The following SMCO4 variants were observed in gnomAD, a reference collection of about 807,000 sequenced individuals.
The protein encoded by SMCO4 is single-pass membrane and coiled-coil domain-containing protein 4.
A neutral mutation model predicts 3.6 loss-of-function variants in SMCO4; 4 were observed. The ratio of observed to expected loss-of-function variants is 1.11; its 90% CI spans 0.54 to 2.53. SMCO4 has a LOEUF of 2.53. SMCO4 is among the 30% of genes most tolerant of loss of function. The pLI, the probability that SMCO4 is intolerant of heterozygous loss-of-function variation, is 0.02. For missense variants in SMCO4, 70 were observed against 80.8 expected (o/e 0.87, Z 0.51); for synonymous variants, 36 against 35.3 (o/e 1.02, Z -0.07).
intron 2 of SMCO4, among the ~76,000 whole-genome samples, chr11:93,486,444 G>A (rs1480467645): frequency 6.6e-6 from 1 of 152,192 alleles, no homozygotes; most frequent in Non-Finnish European, 1.5e-5. Context: ...AGGAACACAA[G>A]CCTTCTTGGT....
chr11:93,553,244 T>A, the SMCO4 span, among the ~76,000 whole-genome samples: 1 of 152,220 alleles, frequency 6.6e-6, no homozygotes, highest in Non-Finnish European at 1.5e-5. Context: ...GTGTCAGGGT[T>A]CAACAGATAA....
chr11:93,495,728 A>T (rs1414838834), intron 2 of SMCO4, among the ~76,000 whole-genome samples: 1 of 152,102 alleles, frequency 6.6e-6, no homozygotes, highest in Non-Finnish European at 1.5e-5. Context: ...TCAGCTGATT[A>T]CTTATTGGCT....
intron 1 of SMCO4, among the ~76,000 whole-genome samples, chr11:93,518,276 T>C (rs1478452911): frequency 2.0e-5 from 3 of 152,240 alleles, no homozygotes; most frequent in Admixed American, 6.5e-5. Flanking sequence ...CATACATCTG[T>C]ACATCATTCC....
rs75563115 is a variant in SMCO4 at position 93,527,001 on chromosome 11, T to C, written c.-154+16275A>G. Among the ~76,000 whole-genome samples the C allele has an allele frequency of 1.8e-3, 271 of 152,120 alleles. 1 individual carries two copies. Among genetic ancestry groups the C allele is most frequent in the African/African-American group, 6.3e-3 (262 of 41,470 alleles). On this transcript the variant is annotated intron_variant, in intron 1 of 2. Transcript: ENST00000298966. Reference sequence around the variant, plus strand: ...GAGACAGAATTCCGACACACAACCCTCTCAGTACAGCAGCCCACTCTTCAA... The same window carrying C: ...GAGACAGAATTCCGACACACAACCCCCTCAGTACAGCAGCCCACTCTTCAA...
chr11:93,506,022 T>C (rs1028601865), intron 1 of SMCO4, among the ~76,000 whole-genome samples: 14 of 151,924 alleles, frequency 9.2e-5, no homozygotes, highest in Admixed American at 8.5e-4. Flanking sequence ...TTGCACACGA[T>C]TATAACCAGA....
chr11:93,502,317 C>A (rs1445562251), intron 1 of SMCO4, among the ~76,000 whole-genome samples: 1 of 152,086 alleles, frequency 6.6e-6, no homozygotes, highest in African/African-American at 2.4e-5. Context: ...ACCTTTCCCC[C>A]AACAGCCCTC....
chr11:93,535,559 A>C (rs1458894853), intron 1 of SMCO4: 2 of 1,475,776 alleles, frequency 1.4e-6, no homozygotes, highest in Non-Finnish European at 1.9e-6. Flanking sequence ...ATCACCTTGA[A>C]GAAGTATGAC....
At chr11:93,518,153 T>C (rs1949025414) in intron 1 of SMCO4, among the ~76,000 whole-genome samples, 1 of 152,230 alleles carries the variant, frequency 6.6e-6, no homozygotes, top group Non-Finnish European at 1.5e-5. Flanking sequence ...TTTCTCTATC[T>C]ATGGATTTAC....
chr11:93,478,713 GCACACACACACA>G lies in SMCO4; in HGVS notation c.*285_*296del, dbSNP rs58177836. 1,033 of 225,842 alleles carry G rather than the reference GCACACACACACA, an allele frequency of 4.6e-3. 7 individuals carry two copies. The highest frequency in any genetic ancestry group is 0.023 in the East Asian group (202 of 8,622). The allele number at this position is 225,842 out of a possible 1,614,324, so 14.0% of individuals were successfully genotyped here. A position where few individuals can be genotyped will look rare whatever the true frequency, so the allele number is the denominator to read the frequency against. ...ATCGATTTTTAGGAGAGAAAAAGAA[GCACACACACACA>G]CACACACACACACACACACACACAC... On this transcript the variant is annotated 3_prime_UTR_variant, in exon 3 of 3. Transcript: ENST00000298966.
At chr11:93,553,121 C>G in the SMCO4 span, among the ~76,000 whole-genome samples, 3 of 152,206 alleles carry the variant, frequency 2.0e-5, no homozygotes, top group Non-Finnish European at 2.9e-5. Flanking sequence ...AAGTCCATTT[C>G]TGTTATTTAC....
At chr11:93,535,732 G>C in intron 1 of SMCO4, 1 of 1,613,686 alleles carries the variant, frequency 6.2e-7, no homozygotes, top group Middle Eastern at 1.6e-4. Context: ...CCTCCTGAGA[G>C]CTAACATGGA....
intron 1 of SMCO4, among the ~76,000 whole-genome samples, chr11:93,538,798 C>T (rs1949249447): frequency 6.6e-6 from 1 of 152,222 alleles, no homozygotes; most frequent in East Asian, 1.9e-4. Context: ...CTGCCACTGT[C>T]TTAATGTCTT....
intron 1 of SMCO4, among the ~76,000 whole-genome samples, chr11:93,507,961 T>G (rs1198970688): frequency 6.6e-6 from 1 of 152,238 alleles, no homozygotes; most frequent in East Asian, 1.9e-4. Context: ...ATGTTTGTGC[T>G]TTGGAAATAT....
At chr11:93,498,841 T>C (rs531044027) in intron 2 of SMCO4, among the ~76,000 whole-genome samples, 2 of 152,308 alleles carry the variant, frequency 1.3e-5, no homozygotes, top group South Asian at 2.1e-4. Flanking sequence ...GAAACATTTA[T>C]GGAATACCGA....
At chr11:93,483,793 A>T (rs1255508897) in intron 2 of SMCO4, among the ~76,000 whole-genome samples, 1 of 152,254 alleles carries the variant, frequency 6.6e-6, no homozygotes, top group East Asian at 1.9e-4. Context: ...AAGGACTGGC[A>T]GAGTCAAAGG....
At chr11:93,548,448 G>A in the SMCO4 span, among the ~76,000 whole-genome samples, 8 of 152,326 alleles carry the variant, frequency 5.3e-5, no homozygotes, top group South Asian at 2.1e-4. Context: ...AGACCCATCA[G>A]AAAATCAACT....
At chr11:93,549,623 A>ATT in the SMCO4 span, among the ~76,000 whole-genome samples, 2,083 of 90,614 alleles carry the variant, frequency 0.023, 21 homozygotes, top group Non-Finnish European at 0.031. Context: ...TAATTTATTT[A>ATT]TTTTTTTTTT....
intron 1 of SMCO4, among the ~76,000 whole-genome samples, chr11:93,499,694 T>C (rs1004772951): frequency 3.3e-5 from 5 of 152,162 alleles, no homozygotes; most frequent in Non-Finnish European, 7.4e-5. Flanking sequence ...CATGAGACCA[T>C]GGCTGTTCCC....
chr11:93,546,797 G>A (rs1384343239), upstream of SMCO4, among the ~76,000 whole-genome samples: 2 of 152,076 alleles, frequency 1.3e-5, no homozygotes, highest in African/African-American at 4.8e-5. Context: ...ATTATACATG[G>A]CCCCATGAGG....
Sources: gnomAD v4.1 joint callset for allele counts (sites outside exome capture counted in the v4.1 genomes callset) on GRCh38, gnomAD v4.1.1 for gene constraint, MANE v1.5 for transcripts, NCBI Gene and HGNC (gene_info 2026-07-23, HGNC 2026-07-21) for gene names.